MDM4: variants seen among roughly 807,000 people sequenced by gnomAD.
The protein encoded by MDM4 is protein Mdm4.
MDM4 carries 2 observed loss-of-function variants against 60.2 expected under a neutral mutation model. The ratio of observed to expected loss-of-function variants is 0.03; its 90% CI spans 0.01 to 0.10. MDM4 has a LOEUF of 0.10. MDM4 is among the 10% of genes least tolerant of loss of function. The pLI, the probability that MDM4 is intolerant of heterozygous loss-of-function variation, is 1.00. For missense variants in MDM4, 447 were observed against 577.5 expected, an observed-to-expected ratio of 0.77 and a Z score of 2.32; for synonymous variants, 202 against 198.1, an observed-to-expected ratio of 1.02 and a Z score of -0.17.
chr1:204,536,336 C>T (rs1661422727), intron 5 of MDM4, among the ~76,000 whole-genome samples: 2 of 152,242 alleles, frequency 1.3e-5, no homozygotes, highest in South Asian at 4.1e-4. Context: ...AATGCTGTCT[C>T]TCAAACTTTT....
intron 3 of MDM4, among the ~76,000 whole-genome samples, chr1:204,527,016 C>T (rs779799273): frequency 9.9e-5 from 15 of 151,998 alleles, no homozygotes; most frequent in Admixed American, 4.6e-4. Flanking sequence ...GACACTGGGC[C>T]TGGCACCATA....
Position 204,551,606 on chromosome 1 carries a change from A to G in MDM4, c.*1924A>G, listed in dbSNP as rs565928427. Reference sequence around the variant, plus strand: ...ACACATATGGAAATTGGACATCTTTAAGTTGGTTTCCATAGAGCTATGCAT... The same window carrying G: ...ACACATATGGAAATTGGACATCTTTGAGTTGGTTTCCATAGAGCTATGCAT... On this transcript the variant is annotated 3_prime_UTR_variant, in exon 11 of 11. Coordinates refer to ENST00000367182, the MANE Select transcript of MDM4 (RefSeq NM_002393.5). 11 of 230,274 alleles carry G rather than the reference A, an allele frequency of 4.8e-5. No individual in the cohort carries two copies. The highest frequency in any genetic ancestry group is 8.6e-5 in the Non-Finnish European group (10 of 116,806). 14.3% of individuals were successfully genotyped at this position (230,274 alleles called of 1,614,324 possible). A position where few individuals can be genotyped will look rare whatever the true frequency, so the allele number is the denominator to read the frequency against.
chr1:204,532,967 T>C (rs539147076), intron 5 of MDM4: 4 of 848,980 alleles, frequency 4.7e-6, no homozygotes, highest in African/African-American at 3.4e-5. Flanking sequence ...ATCAGAGTCA[T>C]GTAAGGTCTG....
At chr1:204,532,161 T>A in intron 4 of MDM4, 30 bp from the exon 5 acceptor site, 3 of 1,401,362 alleles carry the variant, frequency 2.1e-6, no homozygotes, top group Non-Finnish European at 3.0e-6. Flanking sequence ...CATTTGGGGT[T>A]GTTAATTTTT....
chr1:204,522,159 C>A (rs1659631809), intron 1 of MDM4, among the ~76,000 whole-genome samples: 2 of 151,772 alleles, frequency 1.3e-5, no homozygotes. Context: ...TAGCAAGACC[C>A]CGTCTCTACA....
At chr1:204,517,389 T>G (rs1318867533) in intron 1 of MDM4, among the ~76,000 whole-genome samples, 2 of 152,260 alleles carry the variant, frequency 1.3e-5, no homozygotes, top group Admixed American at 6.5e-5. Flanking sequence ...CAGGTTTTTT[T>G]GGTTGTGTTT....
intron 7 of MDM4, among the ~76,000 whole-genome samples, chr1:204,541,310 G>A (rs1558329238): frequency 6.6e-6 from 1 of 152,066 alleles, no homozygotes; most frequent in Non-Finnish European, 1.5e-5. Flanking sequence ...AATCAGCCCA[G>A]TAGAAAATTA....
chr1:204,525,534 A>T lies in MDM4; in HGVS notation c.16A>T (p.Thr6Ser), dbSNP rs558828094. Residue 6 changes from threonine (T) to serine (S), a missense_variant, in exon 2 of 11, where the codon ACC becomes TCC. Physicochemically the swap from Thr to Ser is moderately conservative, Grantham distance 58. Transcript: ENST00000367182. ...CACTACCAAAATGACATCATTTTCC[A>T]CCTCTGCTCAGTGTTCAACATCTGA... MTSFSTSAQCSTSDSA... is the reference protein window; with the variant it reads MTSFSSSAQCSTSDSA... 6.2e-7 allele frequency: 1 copy of T among 1,610,544 alleles called. No individual in the cohort carries two copies.
intron 7 of MDM4, among the ~76,000 whole-genome samples, chr1:204,542,128 T>G (rs1662153972): frequency 6.6e-6 from 1 of 152,242 alleles, no homozygotes; most frequent in South Asian, 2.1e-4. Flanking sequence ...GTCTAGATAC[T>G]TAACTCTAAG....
chr1:204,526,708 C>G lies in MDM4; in HGVS notation c.153+274C>G, dbSNP rs4252680. ...TCAGTCTCCTGACCTCATGATCCAT[C>G]CGCCTTGGCCTCCCAAAGTGCTGGG... On this transcript the variant is annotated intron_variant, in intron 3 of 10. Transcript: ENST00000367182. Among the ~76,000 whole-genome samples, 1,410 of 152,228 alleles carry G rather than the reference C, an allele frequency of 9.3e-3. 23 individuals carry two copies. Among genetic ancestry groups the G allele is most frequent in the African/African-American group, 0.032 (1,323 of 41,522 alleles).
intron 3 of MDM4, among the ~76,000 whole-genome samples, chr1:204,526,729 C>T (rs1291683061): frequency 6.6e-6 from 1 of 152,138 alleles, no homozygotes; most frequent in Non-Finnish European, 1.5e-5. Flanking sequence ...TCCCAAAGTG[C>T]TGGGATTACA....
chr1:204,519,975 T>G (rs1167837456), intron 1 of MDM4, among the ~76,000 whole-genome samples: 1 of 151,748 alleles, frequency 6.6e-6, no homozygotes, highest in Non-Finnish European at 1.5e-5. Context: ...AACTAAGAGA[T>G]AAGAAAGAAC....
Position 204,555,927 on chromosome 1 carries a change from T to G in MDM4, c.*6245T>G, listed in dbSNP as rs61820087. On this transcript the variant is annotated 3_prime_UTR_variant, in exon 11 of 11. Transcript: ENST00000367182. ...CCTAATTTCTTATCTGAAGGCACTG[T>G]TTTTTTTTTTAAACAGTTAAGTACT... 5 of 34,686 alleles carry G rather than the reference T, an allele frequency of 1.4e-4. No homozygotes were observed. In the East Asian group the frequency reaches 4.2e-3, roughly 29 times the overall value. 2.1% of individuals were successfully genotyped at this position (34,686 alleles called of 1,614,324 possible). A position where few individuals can be genotyped will look rare whatever the true frequency, so the allele number is the denominator to read the frequency against.
rs894414656 is a variant in MDM4, at chr1:204,529,353, T to C, written c.154-1331T>C. On this transcript the variant is annotated intron_variant, in intron 3 of 10. Coordinates refer to ENST00000367182, the MANE Select transcript of MDM4 (RefSeq NM_002393.5). The stretch of plus-strand genomic sequence containing the variant: ...GAACCAGGAGTAGGCCTCATCCATA[T>C]TGGGAGGGGAGCCACCCTGTCCATG... The C allele has an allele frequency of 7.9e-5, 66 of 832,100 alleles. 1 individual carries two copies. The highest frequency in any genetic ancestry group is 1.4e-4 in the South Asian group (10 of 72,306). The allele number at this position is 832,100 out of a possible 1,614,324, so 51.5% of individuals were successfully genotyped here. A position where few individuals can be genotyped will look rare whatever the true frequency, so the allele number is the denominator to read the frequency against.
intron 5 of MDM4, among the ~76,000 whole-genome samples, chr1:204,533,778 TTTTC>T (rs1424358160): frequency 1.0e-4 from 12 of 116,150 alleles, no homozygotes; most frequent in African/African-American, 2.6e-4. Flanking sequence ...TTTCTTTTCT[TTTTC>T]TTTTTTTTTT....
At chr1:204,533,859 T>C (rs1414291280) in intron 5 of MDM4, among the ~76,000 whole-genome samples, 1 of 151,700 alleles carries the variant, frequency 6.6e-6, no homozygotes, top group Non-Finnish European at 1.5e-5. Flanking sequence ...CATAGTTCAC[T>C]GCAGCCTTTA....
intron 2 of MDM4, 102 bp downstream of exon 2, chr1:204,525,698 A>G (rs1660067660): frequency 1.3e-6 from 1 of 770,846 alleles, no homozygotes; most frequent in African/African-American, 1.8e-5. Context: ...TTGAGAAGTC[A>G]AGGCAGGAAG....
intron 1 of MDM4, among the ~76,000 whole-genome samples, chr1:204,520,368 C>T (rs1156537372): frequency 9.4e-6 from 1 of 106,068 alleles, no homozygotes; most frequent in East Asian, 3.2e-4. Flanking sequence ...ATGCAACATC[C>T]CTGCTTTTTT....
At chr1:204,539,567 C>T (rs1661816782) in intron 7 of MDM4, among the ~76,000 whole-genome samples, 1 of 134,582 alleles carries the variant, frequency 7.4e-6, no homozygotes, top group Admixed American at 8.6e-5. Flanking sequence ...CAGGGTCTTG[C>T]TCTGTCACCA....
Sources: gnomAD v4.1 joint callset for allele counts (sites outside exome capture counted in the v4.1 genomes callset) on GRCh38, gnomAD v4.1.1 for gene constraint, MANE v1.5 for transcripts, NCBI Gene and HGNC (gene_info 2026-07-23, HGNC 2026-07-21) for gene names.